Variants in ARB2A observed in about 807,000 individuals in gnomAD.
The protein encoded by ARB2A is ARB2 cotranscriptional regulator A.
At chr5:93,653,325 G>A in the ARB2A span, among the ~76,000 whole-genome samples, 2 of 150,910 alleles carry the variant, frequency 1.3e-5, no homozygotes, top group African/African-American at 4.9e-5. Flanking sequence ...TGGCTAATAC[G>A]GTGAAACCCC....
the ARB2A span, among the ~76,000 whole-genome samples, chr5:93,935,422 A>G: frequency 6.6e-6 from 1 of 152,154 alleles, no homozygotes; most frequent in Non-Finnish European, 1.5e-5. Flanking sequence ...AAATGTAGTG[A>G]TGGTGCTGGT....
the ARB2A span, among the ~76,000 whole-genome samples, chr5:94,104,168 C>T: frequency 6.7e-6 from 1 of 149,364 alleles, no homozygotes; most frequent in Non-Finnish European, 1.5e-5. Flanking sequence ...GCTGACTGAA[C>T]AAAACTAAGA....
chr5:93,982,792 T>C, the ARB2A span, among the ~76,000 whole-genome samples: 1 of 152,226 alleles, frequency 6.6e-6, no homozygotes, highest in Non-Finnish European at 1.5e-5. Flanking sequence ...CAGTGGCTCA[T>C]GCCGGTAATC....
the ARB2A span, among the ~76,000 whole-genome samples, chr5:94,049,616 A>AGT: frequency 9.0e-4 from 136 of 151,418 alleles, 1 homozygote; most frequent in East Asian, 0.017. Flanking sequence ...CATCTCTACT[A>AGT]AAAGTACAAA....
the ARB2A span, among the ~76,000 whole-genome samples, chr5:93,858,612 A>G: frequency 2.6e-5 from 4 of 152,220 alleles, no homozygotes; most frequent in Non-Finnish European, 4.4e-5. Flanking sequence ...TTCTAAACTG[A>G]CACTCTTAAC....
chr5:93,620,468 T>A, the ARB2A span: 1 of 149,216 alleles, frequency 6.7e-6, no homozygotes, highest in African/African-American at 2.5e-5. Context: ...TGTGTGGAAC[T>A]TCCTTAAAAA....
chr5:93,799,096 T>C, the ARB2A span, among the ~76,000 whole-genome samples: 3 of 152,268 alleles, frequency 2.0e-5, no homozygotes, highest in Admixed American at 2.0e-4. Flanking sequence ...TTCAAATTTA[T>C]TGGTGAATTA....
the ARB2A span, among the ~76,000 whole-genome samples, chr5:93,857,933 C>T: frequency 1.1e-4 from 17 of 152,246 alleles, no homozygotes; most frequent in South Asian, 3.1e-3. Flanking sequence ...TCTTGGCTGC[C>T]CCCACATTAC....
At chr5:94,106,055 T>C in the ARB2A span, among the ~76,000 whole-genome samples, 34 of 152,144 alleles carry the variant, frequency 2.2e-4, no homozygotes, top group African/African-American at 8.2e-4. Context: ...GGCAATACCA[T>C]TCTGAATCTA....
At chr5:93,734,356 C>T in the ARB2A span, 3 of 152,090 alleles carry the variant, frequency 2.0e-5, no homozygotes, top group African/African-American at 7.2e-5. Flanking sequence ...TATATAGGTA[C>T]TGTCAAAAGA....
chr5:93,996,865 A>G, the ARB2A span, among the ~76,000 whole-genome samples: 1 of 152,068 alleles, frequency 6.6e-6, no homozygotes, highest in Non-Finnish European at 1.5e-5. Flanking sequence ...CTCTGATTAC[A>G]GCAATGAATA....
the ARB2A span, among the ~76,000 whole-genome samples, chr5:93,923,278 T>G: frequency 6.6e-6 from 1 of 152,226 alleles, no homozygotes; most frequent in Non-Finnish European, 1.5e-5. Context: ...CTGTTTACGT[T>G]ATCAGTAAGG....
At chr5:94,084,053 C>T in the ARB2A span, among the ~76,000 whole-genome samples, 2 of 151,664 alleles carry the variant, frequency 1.3e-5, no homozygotes, top group African/African-American at 4.8e-5. Context: ...CAGGTGGATC[C>T]ACCTGAGGTC....
chr5:93,619,614 T>C, the ARB2A span: 1 of 152,238 alleles, frequency 6.6e-6, no homozygotes, highest in Non-Finnish European at 1.5e-5. Flanking sequence ...AACTATTAAA[T>C]TTATGTTCTC....
the ARB2A span, among the ~76,000 whole-genome samples, chr5:94,020,242 CG>C: frequency 3.1e-4 from 9 of 28,624 alleles, no homozygotes; most frequent in East Asian, 8.2e-4. Context: ...GGACACGGGG[CG>C]GGGGGGGTAA....
chr5:93,963,753 G>A, the ARB2A span, among the ~76,000 whole-genome samples: 919 of 151,970 alleles, frequency 6.0e-3, 4 homozygotes, highest in Non-Finnish European at 0.011. Context: ...TGTCAGGGAC[G>A]GCAAAGATCC....
the ARB2A span, among the ~76,000 whole-genome samples, chr5:93,903,548 G>A: frequency 6.6e-6 from 1 of 151,948 alleles, no homozygotes. Context: ...GTATTTTTCA[G>A]TAAATATGGT....
the ARB2A span, among the ~76,000 whole-genome samples, chr5:93,849,165 G>A: frequency 3.9e-5 from 6 of 151,926 alleles, no homozygotes; most frequent in South Asian, 4.1e-4. Flanking sequence ...GGAGCACGTC[G>A]TAGCTCAAAA....
the ARB2A span, among the ~76,000 whole-genome samples, chr5:94,061,015 G>C: frequency 6.6e-6 from 1 of 152,180 alleles, no homozygotes; most frequent in South Asian, 2.1e-4. Context: ...GAGACAGGTG[G>C]ATCACGAGGT....
Sources: gnomAD v4.1 joint callset for allele counts (sites outside exome capture counted in the v4.1 genomes callset) on GRCh38, gnomAD v4.1.1 for gene constraint, MANE v1.5 for transcripts, NCBI Gene and HGNC (gene_info 2026-07-23, HGNC 2026-07-21) for gene names.